The following HPSE2 variants were observed in gnomAD, a reference collection of about 807,000 sequenced individuals.
The protein encoded by HPSE2 is inactive heparanase-2.
In HPSE2, 38 loss-of-function variants were observed where a neutral mutation model predicts 60.5. The observed-to-expected ratio is 0.63, with a 90% CI of 0.48 to 0.82. The LOEUF (loss-of-function observed/expected upper bound fraction) is 0.82. Ranked by LOEUF, HPSE2 falls within the 40% of genes least tolerant of loss-of-function variation. The pLI is 0.00. For synonymous variants in HPSE2, 295 were observed against 293.2 expected, an observed-to-expected ratio of 1.01 and a Z score of -0.06; for missense variants, 713 against 740.4, an observed-to-expected ratio of 0.96 and a Z score of 0.43.
intron 3 of HPSE2, among the ~76,000 whole-genome samples, chr10:98,776,533 GA>G (rs1950345082): frequency 6.6e-6 from 1 of 152,044 alleles, no homozygotes; most frequent in Non-Finnish European, 1.5e-5. Context: ...TATTTAAACA[GA>G]ATCTAACAAT....
At chr10:98,661,500 T>A (rs994476332) in intron 6 of HPSE2, among the ~76,000 whole-genome samples, 1 of 152,252 alleles carries the variant, frequency 6.6e-6, no homozygotes, top group African/African-American at 2.4e-5. Flanking sequence ...GTTTCTTTTA[T>A]ATAAGTGACT....
intron 6 of HPSE2, among the ~76,000 whole-genome samples, chr10:98,655,306 A>T (rs1947030470): frequency 6.6e-6 from 1 of 152,072 alleles, no homozygotes; most frequent in African/African-American, 2.4e-5. Context: ...GTTACTAGGA[A>T]ACCTTTTTTG....
At chr10:99,151,930 C>T (rs920282398) in intron 2 of HPSE2, among the ~76,000 whole-genome samples, 1 of 151,640 alleles carries the variant, frequency 6.6e-6, no homozygotes, top group African/African-American at 2.4e-5. Flanking sequence ...ATAAATAGCG[C>T]TAAAAGAAAA....
At chr10:98,546,219 C>T (rs1447431548) in intron 9 of HPSE2, among the ~76,000 whole-genome samples, 1 of 138,766 alleles carries the variant, frequency 7.2e-6, no homozygotes, top group Admixed American at 7.3e-5. Flanking sequence ...GTGAAAATGG[C>T]CATACTACCC....
intron 9 of HPSE2, among the ~76,000 whole-genome samples, chr10:98,606,446 A>G (rs1565008645): frequency 6.6e-6 from 1 of 152,258 alleles, no homozygotes; most frequent in Non-Finnish European, 1.5e-5. Flanking sequence ...GGTATTTTTA[A>G]GAAGCTCCCG....
At chr10:99,047,955 G>T (rs186819420) in intron 3 of HPSE2, 6 of 735,632 alleles carry the variant, frequency 8.2e-6, no homozygotes, top group Non-Finnish European at 1.5e-5. Flanking sequence ...CCAAAGGTCC[G>T]AAAGATGTTT....
intron 2 of HPSE2, among the ~76,000 whole-genome samples, chr10:99,183,365 C>T (rs540063858): frequency 6.6e-6 from 1 of 152,066 alleles, no homozygotes; most frequent in East Asian, 1.9e-4. Context: ...CATAAATGGC[C>T]CCAATAGTCC....
At chr10:99,160,854 C>A (rs910243930) in intron 2 of HPSE2, among the ~76,000 whole-genome samples, 1 of 146,492 alleles carries the variant, frequency 6.8e-6, no homozygotes, top group Non-Finnish European at 1.5e-5. Flanking sequence ...AGCCGAGATC[C>A]CGCCACTGCA....
chr10:98,979,356 G>A (rs188501074), intron 3 of HPSE2, among the ~76,000 whole-genome samples: 2 of 152,114 alleles, frequency 1.3e-5, no homozygotes, highest in Non-Finnish European at 2.9e-5. Flanking sequence ...TGAAGCTATG[G>A]AAAAGATGAA....
At chr10:99,181,153 C>T (rs973035281) in intron 2 of HPSE2, among the ~76,000 whole-genome samples, 1 of 151,528 alleles carries the variant, frequency 6.6e-6, no homozygotes, top group African/African-American at 2.4e-5. Flanking sequence ...AATCCCAGCA[C>T]TTTGGGAGGC....
chr10:99,280,084 G>C, the HPSE2 span, among the ~76,000 whole-genome samples: 1 of 152,214 alleles, frequency 6.6e-6, no homozygotes, highest in African/African-American at 2.4e-5. Context: ...ATTAACTGTT[G>C]TATGACCTTG....
In HPSE2 at chr10:98,906,068, G is replaced by C. The variant is rs1390142493; in HGVS notation, c.611-162012C>G. 1.6e-4 allele frequency among the ~76,000 whole-genome samples: 24 copies of C among 152,280 alleles called. No homozygotes were observed. The East Asian group carries it at 4.1e-3, about 26-fold the overall frequency. ...CCTGCATCCAATGATTGGTCAATGT[G>C]AGAGTCTGAAGGTCTGATCCTCTCA... On this transcript the variant is annotated intron_variant, in intron 3 of 11. Transcript: ENST00000370552.
intron 3 of HPSE2, among the ~76,000 whole-genome samples, chr10:99,060,170 A>AG (rs1243418454): frequency 1.1e-4 from 16 of 152,084 alleles, no homozygotes; most frequent in African/African-American, 3.1e-4. Flanking sequence ...TAAGAAAAGG[A>AG]TAATATGGGC....
At chr10:99,110,591 T>G (rs878934588) in intron 3 of HPSE2, among the ~76,000 whole-genome samples, 4 of 152,086 alleles carry the variant, frequency 2.6e-5, no homozygotes, top group Admixed American at 2.6e-4. Flanking sequence ...AATTGGCCAT[T>G]AAAAATAATG....
intron 3 of HPSE2, among the ~76,000 whole-genome samples, chr10:98,989,391 C>T (rs1310433804): frequency 6.6e-5 from 10 of 151,008 alleles, no homozygotes; most frequent in Non-Finnish European, 1.2e-4. Context: ...CAAACTATCG[C>T]AAGGACAAAA....
intron 3 of HPSE2, among the ~76,000 whole-genome samples, chr10:98,999,806 T>A (rs1462256370): frequency 6.6e-6 from 1 of 152,186 alleles, no homozygotes; most frequent in Non-Finnish European, 1.5e-5. Context: ...GACAAAATCA[T>A]GCAAAGATTT....
chr10:99,171,229 T>C (rs1250998621), intron 2 of HPSE2, among the ~76,000 whole-genome samples: 1 of 152,242 alleles, frequency 6.6e-6, no homozygotes, highest in Non-Finnish European at 1.5e-5. Context: ...AACCAAGACA[T>C]GTGCTAATTC....
intron 9 of HPSE2, among the ~76,000 whole-genome samples, chr10:98,575,080 A>G (rs1281507122): frequency 6.6e-6 from 1 of 152,206 alleles, no homozygotes; most frequent in Non-Finnish European, 1.5e-5. Context: ...CTGTAGGGAA[A>G]GAGCCCTCAG....
chr10:98,869,295 T>C (rs1249877566), intron 3 of HPSE2, among the ~76,000 whole-genome samples: 1 of 152,166 alleles, frequency 6.6e-6, no homozygotes, highest in Non-Finnish European at 1.5e-5. Context: ...ATAAAAATTA[T>C]AATACTTTTT....
Sources: gnomAD v4.1 joint callset for allele counts (sites outside exome capture counted in the v4.1 genomes callset) on GRCh38, gnomAD v4.1.1 for gene constraint, MANE v1.5 for transcripts, NCBI Gene and HGNC (gene_info 2026-07-23, HGNC 2026-07-21) for gene names.